TRIM24: variants seen among roughly 807,000 people sequenced by gnomAD.
The protein encoded by TRIM24 is tripartite motif containing 24.
In TRIM24, 29 loss-of-function variants were observed where a neutral mutation model predicts 123.9. That is an observed-to-expected ratio of 0.23 (90% CI 0.17 to 0.32). TRIM24 has a LOEUF of 0.32. TRIM24 is among the 10% of genes least tolerant of loss of function. The probability of loss-of-function intolerance (pLI) is 1.00; values close to 1 mark genes in which losing one functional copy is unlikely to be tolerated. For missense variants in TRIM24, 932 were observed against 1,295.3 expected (o/e 0.72, Z 4.31); for synonymous variants, 456 against 461.1 (o/e 0.99, Z 0.14).
At chr7:138,462,302 A>G (rs570091586) in intron 1 of TRIM24, among the ~76,000 whole-genome samples, 11 of 151,290 alleles carry the variant, frequency 7.3e-5, no homozygotes, top group Admixed American at 3.3e-4. Flanking sequence ...ACGTTGTCCA[A>G]TGGGAACCTG....
intron 9 of TRIM24, among the ~76,000 whole-genome samples, chr7:138,565,875 C>G (rs1797525154): frequency 6.6e-6 from 1 of 152,192 alleles, no homozygotes; most frequent in Non-Finnish European, 1.5e-5. Context: ...CTTAGCATAG[C>G]TTGTGACCTT....
At chr7:138,579,647 C>A in intron 15 of TRIM24, 115 bp downstream of exon 15, 1 of 804,796 alleles carries the variant, frequency 1.2e-6, no homozygotes, top group Non-Finnish European at 1.9e-6. Flanking sequence ...GTGTATACTC[C>A]AAAATCCCAA....
At chr7:138,460,980 G>A (rs888377402) in intron 1 of TRIM24, 68 bp downstream of exon 1, 2 of 1,322,512 alleles carry the variant, frequency 1.5e-6, no homozygotes, top group African/African-American at 1.6e-5. Context: ...GCCCTTGTGC[G>A]GCGCGACCCG....
At chr7:138,523,493 C>T (rs570371442) in intron 4 of TRIM24, among the ~76,000 whole-genome samples, 8 of 152,150 alleles carry the variant, frequency 5.3e-5, no homozygotes, top group African/African-American at 4.8e-5. Flanking sequence ...AGGTGGCTCA[C>T]GCCTGTAATC....
chr7:138,505,509 G>GGTGGTGGTT (rs1554436147), intron 2 of TRIM24, among the ~76,000 whole-genome samples: 1 of 143,820 alleles, frequency 7.0e-6, no homozygotes, highest in African/African-American at 2.6e-5. Context: ...TGGGGGTGGT[G>GGTGGTGGTT]GTTGTTGTTG....
rs1796368539 is a variant in TRIM24 at position 138,515,091 on chromosome 7, A to G, written c.484-121A>G. 6 of 968,166 alleles carry G rather than the reference A, an allele frequency of 6.2e-6. No homozygotes were observed. The Admixed American group carries it at 1.7e-4, about 28-fold the overall frequency. The allele number at this position is 968,166 out of a possible 1,614,324, so 60.0% of individuals were successfully genotyped here. The stretch of plus-strand genomic sequence containing the variant: ...ACACAAGGTCAGTTTAAAATTTCCC[A>G]ACACCATTAGGAGGCTAACTGATTT... On this transcript the variant is annotated intron_variant, in intron 2 of 18. Transcript: ENST00000343526.
intron 1 of TRIM24, chr7:138,461,165 T>C: frequency 1.4e-6 from 1 of 706,040 alleles, no homozygotes; most frequent in Non-Finnish European, 2.6e-6. Flanking sequence ...CTCCGCATTC[T>C]CAACAGCCGG....
At chr7:138,583,546 GGAGGCAAAGTTTGCAGT>G (rs1184272219) in intron 17 of TRIM24, among the ~76,000 whole-genome samples, 1 of 152,202 alleles carries the variant, frequency 6.6e-6, no homozygotes, top group Admixed American at 6.5e-5. Flanking sequence ...CTTAAGCCCA[GGAGGCAAAGTTTGCAGT>G]GAGCCGAGAT....
chr7:138,583,964 A>C lies in TRIM24; in HGVS notation c.2908A>C (p.Arg970=). 1 of 1,610,224 alleles carries C rather than the reference A, an allele frequency of 6.2e-7. No homozygotes were observed. Among genetic ancestry groups the C allele is most frequent in the South Asian group, 1.1e-5 (1 of 89,698 alleles). Residue 970 remains arginine, a synonymous_variant, in exon 18 of 19, where the codon AGA becomes CGA. Transcript: ENST00000343526. The part of the protein sequence containing the change: ...SKPEDFVADF[R]LIFQNCAEFN... ...ACCTGAAGATTTTGTAGCTGATTTT[A>C]GATTGATCTTTCAAAACTGTGCTGA...
At chr7:138,519,692 T>C (rs974555425) in intron 4 of TRIM24, among the ~76,000 whole-genome samples, 3 of 152,196 alleles carry the variant, frequency 2.0e-5, no homozygotes, top group African/African-American at 7.2e-5. Context: ...TTAAAATATA[T>C]AGAACTAGTT....
chr7:138,503,160 A>AT (rs11483669), intron 1 of TRIM24, among the ~76,000 whole-genome samples: 122,578 of 151,926 alleles, frequency 0.81, 49,756 homozygotes, highest in African/African-American at 0.85. Context: ...GCCTTAAAAA[A>AT]ATCACACCAT....
rs1403728480 is a variant in TRIM24 at position 138,585,072 on chromosome 7, A to G, written c.*121A>G. ...GTGACTATTCTCATCTCTGTTTTGGACGTTTACTAGACTTTGATTTCCTTA... is the reference window on the plus strand; with the variant it reads ...GTGACTATTCTCATCTCTGTTTTGGGCGTTTACTAGACTTTGATTTCCTTA... On this transcript the variant is annotated 3_prime_UTR_variant, in exon 19 of 19. Transcript: ENST00000343526. 2.4e-6 allele frequency: 2 copies of G among 818,148 alleles called. No homozygotes were observed. The highest frequency in any genetic ancestry group is 3.5e-5 in the African/African-American group (2 of 56,540). The allele number at this position is 818,148 out of a possible 1,614,324, so 50.7% of individuals were successfully genotyped here. A position where few individuals can be genotyped will look rare whatever the true frequency, so the allele number is the denominator to read the frequency against.
At chr7:138,522,389 T>C (rs896817517) in intron 4 of TRIM24, among the ~76,000 whole-genome samples, 1 of 152,118 alleles carries the variant, frequency 6.6e-6, no homozygotes, top group African/African-American at 2.4e-5. Context: ...TAACGTCTTA[T>C]GGACATTGTG....
At position 138,586,041 on chromosome 7, in the gene TRIM24, TGA is replaced by T. The variant is rs1236897463; in HGVS notation, c.*1094_*1095del. 9.2e-6 allele frequency: 4 copies of T among 434,326 alleles called. No homozygotes were observed. The highest frequency in any genetic ancestry group is 4.1e-5 in the African/African-American group (2 of 48,744). The allele number at this position is 434,326 out of a possible 1,614,324, so 26.9% of individuals were successfully genotyped here. On this transcript the variant is annotated 3_prime_UTR_variant, in exon 19 of 19. Transcript: ENST00000343526. ...AAGCATCTATCTCATGTTTTTCTTT[TGA>T]GAGTCAGAACATCAAACTTAATCTT... is the stretch of plus-strand genomic sequence containing the variant.
chr7:138,544,950 T>A (rs1281562407), intron 7 of TRIM24, among the ~76,000 whole-genome samples: 3 of 152,198 alleles, frequency 2.0e-5, no homozygotes, highest in Non-Finnish European at 2.9e-5. Flanking sequence ...ATTCAAAACT[T>A]TTTGAGCACC....
At position 138,476,776 on chromosome 7, in the gene TRIM24, C is replaced by T. The variant is rs74958301; in HGVS notation, c.364+15864C>T. Among the ~76,000 whole-genome samples, 643 of 151,948 alleles carry T rather than the reference C, an allele frequency of 4.2e-3. 5 individuals are homozygous for T. The highest frequency in any genetic ancestry group is 0.015 in the African/African-American group (628 of 41,422). On this transcript the variant is annotated intron_variant, in intron 1 of 18. Transcript: ENST00000343526. The stretch of plus-strand genomic sequence containing the variant: ...AAATGCAAATGCATTTCCTCATTGA[C>T]CTGGCAATCTCCACTTCTAGGAATG...
At chr7:138,545,591 A>G (rs1797086589) in intron 7 of TRIM24, 1 of 453,516 alleles carries the variant, frequency 2.2e-6, no homozygotes, top group Non-Finnish European at 4.4e-6. Context: ...TCTAGCAATA[A>G]TTATAGATGT....
At chr7:138,480,206 C>T (rs1795498308) in intron 1 of TRIM24, among the ~76,000 whole-genome samples, 2 of 152,148 alleles carry the variant, frequency 1.3e-5, no homozygotes, top group South Asian at 4.1e-4. Context: ...TCAAGCAGTC[C>T]TACCACCTCA....
At chr7:138,470,953 GAT>G (rs1331489461) in intron 1 of TRIM24, among the ~76,000 whole-genome samples, 1 of 152,216 alleles carries the variant, frequency 6.6e-6, no homozygotes, top group Non-Finnish European at 1.5e-5. Context: ...TTATGATAAA[GAT>G]AGTACTCCTT....
Sources: allele counts gnomAD v4.1 joint callset (sites outside exome capture counted in the v4.1 genomes callset), GRCh38; gene constraint gnomAD v4.1.1; transcripts MANE v1.5; gene names NCBI Gene and HGNC (gene_info 2026-07-23, HGNC 2026-07-21).